TAFA2: variants seen among roughly 807,000 people sequenced by gnomAD.
TAFA2 encodes chemokine-like protein TAFA-2.
In TAFA2, 7 loss-of-function variants were observed where a neutral mutation model predicts 18.8. The observed-to-expected ratio is 0.37, with a 90% CI of 0.21 to 0.70. The LOEUF is 0.70. Ranked by LOEUF, TAFA2 falls within the 30% of genes least tolerant of loss-of-function variation. TAFA2 has a pLI of 0.53. For missense variants in TAFA2, 122 were observed against 158.1 expected, an observed-to-expected ratio of 0.77 and a Z score of 1.23; for synonymous variants, 60 against 54.2, an observed-to-expected ratio of 1.11 and a Z score of -0.47.
rs138394969 is a variant in TAFA2 at position 61,752,437 on chromosome 12, T to C, written c.384+1185A>G. 5.4e-3 allele frequency among the ~76,000 whole-genome samples: 826 copies of C among 152,090 alleles called. 6 individuals are homozygous for C. Among genetic ancestry groups the C allele is most frequent in the African/African-American group, 0.019 (785 of 41,564 alleles). ...ATATTTTCATGGTATAAATAGCTTA[T>C]AAGGAAAATTTACATTGCCAGAATG... On this transcript the variant is annotated intron_variant, in intron 4 of 4. Coordinates refer to ENST00000416284, the MANE Select transcript of TAFA2 (RefSeq NM_178539.5).
intron 4 of TAFA2, among the ~76,000 whole-genome samples, chr12:61,717,737 C>T (rs1017236160): frequency 1.3e-5 from 2 of 152,114 alleles, no homozygotes; most frequent in Non-Finnish European, 2.9e-5. Flanking sequence ...TATAATCTTT[C>T]TAGACTTCTG....
intron 1 of TAFA2, among the ~76,000 whole-genome samples, chr12:62,080,176 C>T (rs1226639444): frequency 1.3e-5 from 2 of 152,158 alleles, no homozygotes; most frequent in East Asian, 1.9e-4. Context: ...CATAGGGCCC[C>T]CTTCATCCTC....
chr12:61,819,574 A>T (rs78633086), intron 2 of TAFA2, among the ~76,000 whole-genome samples: 3,728 of 152,176 alleles, frequency 0.024, 149 homozygotes, highest in African/African-American at 0.085. Flanking sequence ...ATCATTCCCT[A>T]TTTATCAGCT....
rs1204619144 is a variant in TAFA2, at chr12:61,955,724, TG to T, written c.-1-88299del. Among the ~76,000 whole-genome samples, 12 of 143,434 alleles carry T rather than the reference TG, an allele frequency of 8.4e-5. No individual in the cohort carries two copies. In the East Asian group the frequency reaches 1.0e-3, roughly 12 times the overall value. The allele number at this position is 143,434 out of a possible 152,430, so 94.1% of individuals were successfully genotyped here. On this transcript the variant is annotated intron_variant, in intron 1 of 4. Transcript: ENST00000416284. ...AACCCAACAGTCACAAGGAGGGGTATGTTTTTTTAAAAAAATTGCAAAACTA... is the reference window on the plus strand; with the variant it reads ...AACCCAACAGTCACAAGGAGGGGTATTTTTTTTAAAAAAATTGCAAAACTA...
chr12:62,017,275 ACT>A (rs1880969185), intron 1 of TAFA2, among the ~76,000 whole-genome samples: 1 of 152,208 alleles, frequency 6.6e-6, no homozygotes, highest in Non-Finnish European at 1.5e-5. Context: ...GTGAATGAAT[ACT>A]GATACCACTA....
intron 1 of TAFA2, among the ~76,000 whole-genome samples, chr12:62,256,996 T>C (rs2062942515): frequency 6.6e-6 from 1 of 151,964 alleles, no homozygotes; most frequent in East Asian, 1.9e-4. Flanking sequence ...CGGGAATAAC[T>C]GTAGAGGAAG....
intron 2 of TAFA2, among the ~76,000 whole-genome samples, chr12:61,822,880 T>C (rs1872378251): frequency 6.6e-6 from 1 of 152,150 alleles, no homozygotes; most frequent in Admixed American, 6.5e-5. Flanking sequence ...CTTTAAGAAG[T>C]AGACCTCAAC....
At chr12:62,006,524 T>C (rs1359215264) in intron 1 of TAFA2, among the ~76,000 whole-genome samples, 1 of 152,206 alleles carries the variant, frequency 6.6e-6, no homozygotes, top group Admixed American at 6.5e-5. Flanking sequence ...TACAAGGCAC[T>C]GAATAGTAAT....
chr12:62,085,743 A>G (rs962379923), intron 1 of TAFA2, among the ~76,000 whole-genome samples: 1 of 152,150 alleles, frequency 6.6e-6, no homozygotes, highest in Non-Finnish European at 1.5e-5. Context: ...AATGGATAAC[A>G]GGCCTAAATG....
intron 1 of TAFA2, among the ~76,000 whole-genome samples, chr12:61,955,075 G>A (rs75904183): frequency 0.068 from 10,385 of 152,042 alleles, 466 homozygotes; most frequent in Non-Finnish European, 0.1. Flanking sequence ...ACATCATCTG[G>A]AAATAATATT....
At chr12:62,009,487 G>A (rs779450602) in intron 1 of TAFA2, among the ~76,000 whole-genome samples, 3 of 152,100 alleles carry the variant, frequency 2.0e-5, no homozygotes, top group African/African-American at 7.2e-5. Flanking sequence ...GATGATTTCC[G>A]ATTTGTGTTT....
chr12:61,931,285 A>G (rs1267409500), intron 1 of TAFA2, among the ~76,000 whole-genome samples: 1 of 152,210 alleles, frequency 6.6e-6, no homozygotes, highest in Non-Finnish European at 1.5e-5. Context: ...CTCATGCTGT[A>G]TGCTTATATT....
chr12:62,129,868 C>A (rs1013360927), intron 1 of TAFA2, among the ~76,000 whole-genome samples: 13 of 152,038 alleles, frequency 8.6e-5, no homozygotes, highest in African/African-American at 2.9e-4. Context: ...TGGTGAGAAC[C>A]ACTGCTGTAC....
chr12:61,728,295 A>G (rs1006137349), intron 4 of TAFA2, among the ~76,000 whole-genome samples: 5 of 152,000 alleles, frequency 3.3e-5, no homozygotes, highest in African/African-American at 9.7e-5. Flanking sequence ...TTCTGTCTTA[A>G]TGACCTGTCT....
chr12:62,225,816 T>C (rs1343469632), intron 1 of TAFA2, among the ~76,000 whole-genome samples: 1 of 152,230 alleles, frequency 6.6e-6, no homozygotes, highest in Non-Finnish European at 1.5e-5. Context: ...GAAAGTTTAA[T>C]AACACATTCT....
chr12:62,195,869 T>A (rs2062646736), upstream of TAFA2, among the ~76,000 whole-genome samples: 1 of 152,194 alleles, frequency 6.6e-6, no homozygotes, highest in Non-Finnish European at 1.5e-5. Context: ...AAGAGAGTCA[T>A]CCTGTCCTTT....
chr12:62,131,732 G>A (rs1002943861), intron 1 of TAFA2, among the ~76,000 whole-genome samples: 2 of 151,904 alleles, frequency 1.3e-5, no homozygotes, highest in Non-Finnish European at 2.9e-5. Context: ...ATTTTTTAAT[G>A]TTCTTTTTTA....
chr12:62,223,176 A>G (rs1483323694), intron 1 of TAFA2, among the ~76,000 whole-genome samples: 4 of 152,222 alleles, frequency 2.6e-5, no homozygotes, highest in African/African-American at 7.2e-5. Flanking sequence ...TATATGATCA[A>G]ATGATTTATT....
intron 1 of TAFA2, among the ~76,000 whole-genome samples, chr12:62,213,105 T>G (rs185943821): frequency 8.7e-4 from 132 of 152,334 alleles, no homozygotes; most frequent in African/African-American, 3.0e-3. Context: ...TGCCTGTCTT[T>G]TCTTTTGGAT....
Sources: gnomAD v4.1 joint callset for allele counts (sites outside exome capture counted in the v4.1 genomes callset) on GRCh38, gnomAD v4.1.1 for gene constraint, MANE v1.5 for transcripts, NCBI Gene and HGNC (gene_info 2026-07-23, HGNC 2026-07-21) for gene names.